The following KHDRBS2 variants were observed in gnomAD, a reference collection of about 807,000 sequenced individuals.
KHDRBS2 encodes KH domain-containing, RNA-binding, signal transduction-associated protein 2.
A neutral mutation model predicts 44.3 loss-of-function variants in KHDRBS2; 26 were observed. That is an observed-to-expected ratio of 0.59 (90% CI 0.43 to 0.81). KHDRBS2 has a LOEUF of 0.81. Ranked by LOEUF, KHDRBS2 falls within the 40% of genes least tolerant of loss-of-function variation. KHDRBS2 has a pLI of 0.00. For missense variants in KHDRBS2, 476 were observed against 433.1 expected (o/e 1.10, Z -0.88); for synonymous variants, 194 against 151.1 (o/e 1.28, Z -2.08).
chr6:61,873,819 C>CA (rs1444193072), intron 6 of KHDRBS2, among the ~76,000 whole-genome samples: 2 of 151,628 alleles, frequency 1.3e-5, no homozygotes, highest in African/African-American at 4.8e-5. Context: ...ATAAACTAAA[C>CA]AAATTAATCA....
At chr6:62,201,173 A>C (rs1826905668) in intron 1 of KHDRBS2, among the ~76,000 whole-genome samples, 1 of 152,138 alleles carries the variant, frequency 6.6e-6, no homozygotes, top group Admixed American at 6.6e-5. Flanking sequence ...AACATGGTAC[A>C]TGTATACATA....
intron 7 of KHDRBS2, among the ~76,000 whole-genome samples, chr6:61,704,878 T>A (rs556350135): frequency 2.3e-4 from 35 of 152,036 alleles, no homozygotes; most frequent in South Asian, 4.1e-4. Flanking sequence ...TTTATATCCA[T>A]GAACTTGGGC....
chr6:61,883,825 G>A (rs1356503252), intron 6 of KHDRBS2, among the ~76,000 whole-genome samples: 1 of 151,868 alleles, frequency 6.6e-6, no homozygotes, highest in East Asian at 1.9e-4. Flanking sequence ...ATGCATCCTG[G>A]TAAATTAGTC....
At chr6:61,717,110 C>G (rs560393930) in intron 7 of KHDRBS2, among the ~76,000 whole-genome samples, 16 of 152,042 alleles carry the variant, frequency 1.1e-4, no homozygotes, top group African/African-American at 3.6e-4. Flanking sequence ...TTTTCTAACT[C>G]TTCTTATTAG....
intron 1 of KHDRBS2, among the ~76,000 whole-genome samples, chr6:62,252,750 A>G (rs920294193): frequency 6.6e-6 from 1 of 152,034 alleles, no homozygotes; most frequent in African/African-American, 2.4e-5. Context: ...TCTCTGCTCA[A>G]AATATTCTAT....
chr6:62,285,031 C>T (rs143154195), intron 1 of KHDRBS2, among the ~76,000 whole-genome samples: 93 of 152,166 alleles, frequency 6.1e-4, no homozygotes, highest in African/African-American at 2.2e-3. Flanking sequence ...GGGTAAGTAA[C>T]TACAGATACC....
At chr6:61,607,694 T>C in the KHDRBS2 span, among the ~76,000 whole-genome samples, 350 of 152,192 alleles carry the variant, frequency 2.3e-3, no homozygotes, top group Non-Finnish European at 3.8e-3. Flanking sequence ...AAGAAATTTC[T>C]TTTCTTTTTT....
chr6:62,224,259 A>G (rs1488550844), intron 1 of KHDRBS2, among the ~76,000 whole-genome samples: 1 of 152,142 alleles, frequency 6.6e-6, no homozygotes, highest in Non-Finnish European at 1.5e-5. Flanking sequence ...AAGCCATCAG[A>G]TCTTGTGAGA....
chr6:61,713,336 T>C (rs902658135), intron 7 of KHDRBS2, among the ~76,000 whole-genome samples: 2 of 151,664 alleles, frequency 1.3e-5, no homozygotes, highest in Non-Finnish European at 3.0e-5. Flanking sequence ...ATTCTAATTA[T>C]AAAAAATAAA....
chr6:61,742,943 T>A (rs1003645373), intron 6 of KHDRBS2, among the ~76,000 whole-genome samples: 2 of 152,092 alleles, frequency 1.3e-5, no homozygotes, highest in African/African-American at 4.8e-5. Flanking sequence ...GGAAATTGCA[T>A]ATTTCTGAAA....
intron 6 of KHDRBS2, among the ~76,000 whole-genome samples, chr6:61,852,558 G>A (rs377757751): frequency 9.4e-4 from 131 of 139,680 alleles, no homozygotes; most frequent in Admixed American, 2.0e-3. Flanking sequence ...GCGAGACTCC[G>A]TCTCAAAAAA....
rs76420528 is a variant in KHDRBS2 at position 62,185,369 on chromosome 6, T to C, written c.92-8057A>G. On this transcript the variant is annotated intron_variant, in intron 1 of 8. Transcript: ENST00000281156. Reference sequence around the variant, plus strand: ...TAACCTTAAATCTGAACTATGTTGCTAGCAAAACAGATGGTCCTAAGTCAT... The same window carrying C: ...TAACCTTAAATCTGAACTATGTTGCCAGCAAAACAGATGGTCCTAAGTCAT... Among the ~76,000 whole-genome samples, 1,078 of 152,052 alleles carry C rather than the reference T, an allele frequency of 7.1e-3. 6 individuals carry two copies. The highest frequency in any genetic ancestry group is 0.013 in the Non-Finnish European group (893 of 67,856).
the KHDRBS2 span, among the ~76,000 whole-genome samples, chr6:61,590,210 A>T: frequency 2.0e-5 from 3 of 152,194 alleles, no homozygotes; most frequent in Non-Finnish European, 1.5e-5. Context: ...ATAATGAAAA[A>T]AGATGGGGAC....
At chr6:62,004,296 C>T (rs139758987) in intron 3 of KHDRBS2, among the ~76,000 whole-genome samples, 32 of 151,984 alleles carry the variant, frequency 2.1e-4, no homozygotes, top group East Asian at 1.2e-3. Context: ...ATCAAATAGA[C>T]GCAACAAAAA....
intron 6 of KHDRBS2, among the ~76,000 whole-genome samples, chr6:61,888,391 C>A (rs1801286736): frequency 6.6e-6 from 1 of 152,048 alleles, no homozygotes; most frequent in African/African-American, 2.4e-5. Context: ...GTGACTAGAG[C>A]TGAACATAAA....
chr6:61,889,510 G>A (rs1001356954), intron 6 of KHDRBS2, among the ~76,000 whole-genome samples: 8 of 134,984 alleles, frequency 5.9e-5, no homozygotes, highest in Non-Finnish European at 7.7e-5. Context: ...ACACATCCAC[G>A]TATTTTCCAT....
chr6:62,072,337 C>T (rs934480303), intron 2 of KHDRBS2, among the ~76,000 whole-genome samples: 5 of 152,070 alleles, frequency 3.3e-5, no homozygotes, highest in African/African-American at 1.2e-4. Context: ...CTTTTATTTC[C>T]TTCTCCTGCC....
At chr6:61,688,834 G>A (rs1385342345) in intron 8 of KHDRBS2, among the ~76,000 whole-genome samples, 1 of 151,880 alleles carries the variant, frequency 6.6e-6, no homozygotes, top group Non-Finnish European at 1.5e-5. Context: ...TGGTTACTGG[G>A]AGGTAAGCTC....
chr6:61,574,438 T>G, the KHDRBS2 span: 2 of 1,468,230 alleles, frequency 1.4e-6, no homozygotes, highest in South Asian at 2.5e-5. Context: ...GAGCTTCAAT[T>G]TACCAATGCA....
Sources: gnomAD v4.1 joint callset for allele counts (sites outside exome capture counted in the v4.1 genomes callset) on GRCh38, gnomAD v4.1.1 for gene constraint, MANE v1.5 for transcripts, NCBI Gene and HGNC (gene_info 2026-07-23, HGNC 2026-07-21) for gene names.